ARHGAP39: variants seen among roughly 807,000 people sequenced by gnomAD.
The protein encoded by ARHGAP39 is rho GTPase-activating protein 39.
A neutral mutation model predicts 106.9 loss-of-function variants in ARHGAP39; 44 were observed. The ratio of observed to expected loss-of-function variants is 0.41; its 90% CI spans 0.32 to 0.53. ARHGAP39 has a LOEUF of 0.53. Among genes scored for constraint, ARHGAP39 ranks in the 20% least tolerant of loss-of-function variants. The probability of loss-of-function intolerance (pLI) is 0.21; values close to 1 mark genes in which losing one functional copy is unlikely to be tolerated. For synonymous variants in ARHGAP39, 768 were observed against 693.2 expected (o/e 1.11, Z -1.69); for missense variants, 1,496 against 1,577.3 (o/e 0.95, Z 0.87).
At chr8:144,543,612 C>G (rs1817284960) in intron 6 of ARHGAP39, among the ~76,000 whole-genome samples, 1 of 152,340 alleles carries the variant, frequency 6.6e-6, no homozygotes, top group Non-Finnish European at 1.5e-5. Context: ...TGGCAGAGCT[C>G]TGAAGCCACG....
At position 144,547,172 on chromosome 8, in the gene ARHGAP39, C is replaced by G. The variant is rs758272724; in HGVS notation, c.1914G>C (p.Val638=). ...PQILLEKSVS[V]QTNLASPEPY... is the part of the protein sequence containing the mutation. ...GCTCTGGTGAGGCCAGGTTGGTCTG[C>G]ACGGAGACGCTCTTCTCCAGCAGGA... The change falls in exon 5 of 12, where the codon GTG becomes GTC. Residue 638 remains valine, a synonymous_variant. Transcript: ENST00000377307. This position sits in a 1 kb window ranked among gnomAD's most constrained non-coding sequence, Gnocchi z 5.2. 6.2e-7 allele frequency: 1 copy of G among 1,611,048 alleles called. No individual in the cohort carries two copies. Among genetic ancestry groups the G allele is most frequent in the Non-Finnish European group, 8.5e-7 (1 of 1,179,058 alleles).
At chr8:144,562,515 A>T (rs1024916124) in intron 3 of ARHGAP39, among the ~76,000 whole-genome samples, 1 of 148,788 alleles carries the variant, frequency 6.7e-6, no homozygotes, top group Middle Eastern at 3.7e-3. Flanking sequence ...GACTCACTCC[A>T]GTGGTTTCCA....
At chr8:144,552,602 C>G (rs116137431) in intron 4 of ARHGAP39, among the ~76,000 whole-genome samples, 1 of 152,180 alleles carries the variant, frequency 6.6e-6, no homozygotes, top group African/African-American at 2.4e-5. Context: ...CCTGCCAGGG[C>G]GACCCCACTG....
At position 144,684,595 on chromosome 8, in the gene ARHGAP39, G is replaced by A. The variant is rs891645667; in HGVS notation, c.-82+1091C>T. 2.6e-5 allele frequency among the ~76,000 whole-genome samples: 4 copies of A among 152,154 alleles called. No individual in the cohort carries two copies. The highest frequency in any genetic ancestry group is 4.4e-5 in the Non-Finnish European group (3 of 68,034). ...GCAGCTGCTGGTGGGAAGCGGCTCGGAACACACCCACAGCTGCCAAGGAGC... is the reference window on the plus strand; with the variant it reads ...GCAGCTGCTGGTGGGAAGCGGCTCGAAACACACCCACAGCTGCCAAGGAGC... On this transcript the variant is annotated intron_variant, in intron 1 of 11. Coordinates refer to ENST00000377307, the MANE Select transcript of ARHGAP39 (RefSeq NM_025251.3). This position sits in a 1 kb window ranked among gnomAD's most constrained non-coding sequence, Gnocchi z 4.4.
chr8:144,674,163 CCT>C (rs756460591), intron 1 of ARHGAP39, among the ~76,000 whole-genome samples: 1 of 152,120 alleles, frequency 6.6e-6, no homozygotes, highest in East Asian at 1.9e-4. Context: ...GTGTTTCAGC[CCT>C]GTTTGTGTTG....
rs1822535473 is a variant in ARHGAP39 at position 144,684,832 on chromosome 8, C to T, written c.-82+854G>A. Reference sequence around the variant, plus strand: ...CCCCAGCCCGCGCCTGCCGCAGAGGCGAGGCCGCAGAGCCCACCCGCAGGC... The same window carrying T: ...CCCCAGCCCGCGCCTGCCGCAGAGGTGAGGCCGCAGAGCCCACCCGCAGGC... On this transcript the variant is annotated intron_variant, in intron 1 of 11. Transcript: ENST00000377307. The surrounding 1 kb of genome is among the most constrained non-coding windows in gnomAD (Gnocchi z 4.4). 6.6e-6 allele frequency among the ~76,000 whole-genome samples: 1 copy of T among 152,182 alleles called. No individual in the cohort carries two copies. Among genetic ancestry groups the T allele is most frequent in the Non-Finnish European group, 1.5e-5 (1 of 68,008 alleles).
At chr8:144,649,486 G>A (rs562811368) in intron 1 of ARHGAP39, among the ~76,000 whole-genome samples, 8 of 149,924 alleles carry the variant, frequency 5.3e-5, no homozygotes, top group East Asian at 2.0e-4. Flanking sequence ...AATGACAAAC[G>A]TGGCCAGGCG....
In ARHGAP39 at chr8:144,645,649, TG is replaced by T. The variant is rs1821422967; in HGVS notation, c.-81-39955del. On this transcript the variant is annotated intron_variant, in intron 1 of 11. Transcript: ENST00000377307. This position sits in a 1 kb window ranked among gnomAD's most constrained non-coding sequence, Gnocchi z 4.4. ...CCAGACGTGTTAGGAATGAAAGACA[TG>T]ACATGTAAAGTGCAAACATGAGGGA... 6.6e-6 allele frequency among the ~76,000 whole-genome samples: 1 copy of T among 152,240 alleles called. No homozygotes were observed. Among genetic ancestry groups the T allele is most frequent in the African/African-American group, 2.4e-5 (1 of 41,464 alleles).
In ARHGAP39 at chr8:144,555,688, G is replaced by A. The variant is rs375372850; in HGVS notation, c.513-45C>T. ...AAGAAATATGAATATAAGTGCAATC[G>A]TTTACCATAACCAGCCACTCCCTGA... is the stretch of plus-strand genomic sequence containing the variant. On this transcript the variant is annotated intron_variant, in intron 3 of 11. Coordinates refer to ENST00000377307, the MANE Select transcript of ARHGAP39 (RefSeq NM_025251.3). The A allele has an allele frequency of 3.0e-5, 46 of 1,541,596 alleles. No homozygotes were observed. In the African/African-American group the frequency reaches 3.4e-4, roughly 11 times the overall value.
intron 3 of ARHGAP39, among the ~76,000 whole-genome samples, chr8:144,556,014 G>A (rs560524131): frequency 2.0e-4 from 31 of 152,344 alleles, no homozygotes; most frequent in Non-Finnish European, 4.0e-4. Flanking sequence ...GACCAGGCAC[G>A]GTGGCTCACG....
rs554314111 is a variant in ARHGAP39 at position 144,553,564 on chromosome 8, C to T, written c.596+1996G>A. Among the ~76,000 whole-genome samples, 4 of 152,368 alleles carry T rather than the reference C, an allele frequency of 2.6e-5. No individual in the cohort carries two copies. In the East Asian group the frequency reaches 7.7e-4, roughly 29 times the overall value. ...AGCCCCCCGAGGCAGTACTCTGCTG[C>T]TGCACACTGGCAGGCCTCCCTCATA... On this transcript the variant is annotated intron_variant, in intron 4 of 11. Transcript: ENST00000377307.
chr8:144,582,243 C>T (rs1448479516), intron 2 of ARHGAP39, among the ~76,000 whole-genome samples: 1 of 152,230 alleles, frequency 6.6e-6, no homozygotes, highest in East Asian at 1.9e-4. Flanking sequence ...GAAAGAGCCC[C>T]CCTGGCGGCC....
At chr8:144,676,878 G>A (rs908417641) in intron 1 of ARHGAP39, among the ~76,000 whole-genome samples, 7 of 152,258 alleles carry the variant, frequency 4.6e-5, no homozygotes, top group Non-Finnish European at 8.8e-5. Context: ...CCGAGGAGGC[G>A]CCGAGAGCAA....
intron 1 of ARHGAP39, among the ~76,000 whole-genome samples, chr8:144,666,175 A>G (rs1271476140): frequency 6.6e-6 from 1 of 152,124 alleles, no homozygotes; most frequent in Non-Finnish European, 1.5e-5. Flanking sequence ...TCTTTTGGCC[A>G]ATTTCTCCCA....
At chr8:144,540,988 ATTACAG>A (rs774321202) in intron 6 of ARHGAP39, among the ~76,000 whole-genome samples, 241 of 152,198 alleles carry the variant, frequency 1.6e-3, no homozygotes, top group South Asian at 3.1e-3. Context: ...AGTGCCTGGG[ATTACAG>A]GCGCCCGCCA....
chr8:144,602,943 CTGTG>C (rs200097447), intron 2 of ARHGAP39, among the ~76,000 whole-genome samples: 20 of 99,488 alleles, frequency 2.0e-4, no homozygotes, highest in African/African-American at 3.0e-4. Flanking sequence ...GCTCGTGTAC[CTGTG>C]TGTGTGCATG....
intron 3 of ARHGAP39, among the ~76,000 whole-genome samples, chr8:144,578,934 C>T (rs767204562): frequency 6.6e-6 from 1 of 151,878 alleles, no homozygotes; most frequent in Non-Finnish European, 1.5e-5. Flanking sequence ...AGGGGCCAGG[C>T]GTGGTGGCTC....
chr8:144,583,187 C>T (rs1264783800), intron 2 of ARHGAP39, among the ~76,000 whole-genome samples: 1 of 152,276 alleles, frequency 6.6e-6, no homozygotes, highest in Non-Finnish European at 1.5e-5. Context: ...CCAGTCGCTC[C>T]TGACGAACAA....
At chr8:144,616,950 A>C (rs532148903) in intron 1 of ARHGAP39, among the ~76,000 whole-genome samples, 1 of 152,322 alleles carries the variant, frequency 6.6e-6, no homozygotes, top group South Asian at 2.1e-4. Context: ...AGTGGCTCAC[A>C]CCTGGAATTG....
Sources: allele counts gnomAD v4.1 joint callset (sites outside exome capture counted in the v4.1 genomes callset), GRCh38; gene constraint gnomAD v4.1.1; non-coding constraint Gnocchi (gnomAD v3.1); transcripts MANE v1.5; gene names NCBI Gene and HGNC (gene_info 2026-07-23, HGNC 2026-07-21).